ANXA8: variants seen among roughly 807,000 people sequenced by gnomAD.
The protein encoded by ANXA8 is annexin A8, also known as VAC-beta.
ANXA8 carries 9 observed loss-of-function variants against 26.8 expected under a neutral mutation model. That is an observed-to-expected ratio of 0.34 (90% CI 0.20 to 0.59). The LOEUF is 0.59. Ranked by LOEUF, ANXA8 falls within the 20% of genes least tolerant of loss-of-function variation. The probability of loss-of-function intolerance (pLI) is 0.84; values close to 1 mark genes in which losing one functional copy is unlikely to be tolerated. For synonymous variants in ANXA8, 39 were observed against 94.8 expected (o/e 0.41, Z 3.42); for missense variants, 83 against 238.5 (o/e 0.35, Z 4.29).
chr10:47,742,987 T>TA, the ANXA8 span, among the ~76,000 whole-genome samples: 1 of 117,970 alleles, frequency 8.5e-6, no homozygotes, highest in South Asian at 2.6e-4. Context: ...ACCCCGTCTC[T>TA]ACTAAAAAAA....
chr10:47,586,797 T>C, the ANXA8 span, among the ~76,000 whole-genome samples: 1 of 146,292 alleles, frequency 6.8e-6, no homozygotes, highest in Admixed American at 6.6e-5. Flanking sequence ...TATCTCCCAC[T>C]TCCATGACTA....
the ANXA8 span, among the ~76,000 whole-genome samples, chr10:47,671,484 G>T: frequency 2.6e-5 from 4 of 152,014 alleles, no homozygotes; most frequent in African/African-American, 9.7e-5. Flanking sequence ...TTAAGTGGGG[G>T]TTTGGAATCC....
At chr10:47,577,224 C>CAA in the ANXA8 span, among the ~76,000 whole-genome samples, 2 of 110,854 alleles carry the variant, frequency 1.8e-5, no homozygotes, top group East Asian at 2.9e-4. Flanking sequence ...GACTCCATCT[C>CAA]AAAAAAAAAA....
At chr10:47,675,308 A>G in the ANXA8 span, among the ~76,000 whole-genome samples, 3 of 149,142 alleles carry the variant, frequency 2.0e-5, no homozygotes, top group Non-Finnish European at 3.0e-5. Context: ...GCCCTTGCTT[A>G]TCTGAAAACT....
the ANXA8 span, among the ~76,000 whole-genome samples, chr10:47,686,412 A>T: frequency 2.0e-5 from 3 of 151,424 alleles, no homozygotes; most frequent in African/African-American, 7.3e-5. Flanking sequence ...GGATTTTACC[A>T]TGTTGCCTAG....
the ANXA8 span, among the ~76,000 whole-genome samples, chr10:47,639,315 T>TGA: frequency 1.4e-5 from 1 of 71,706 alleles, no homozygotes. Context: ...ATTATTATTA[T>TGA]TTTTTTTTTT....
chr10:47,954,485 T>C, the ANXA8 span, among the ~76,000 whole-genome samples: 1,136 of 151,000 alleles, frequency 7.5e-3, 14 homozygotes, highest in African/African-American at 0.026. Flanking sequence ...CAGTATTTGA[T>C]AGCACAACAG....
At chr10:47,985,701 C>A in the ANXA8 span, 1 of 128,106 alleles carries the variant, frequency 7.8e-6, no homozygotes, top group Non-Finnish European at 1.7e-5. Context: ...TAACCTCTAC[C>A]ATGCCACTCC....
chr10:47,653,110 G>A, the ANXA8 span, among the ~76,000 whole-genome samples: 20 of 150,756 alleles, frequency 1.3e-4, no homozygotes, highest in South Asian at 1.7e-3. Flanking sequence ...TTAGGAGTTC[G>A]AGACCAGCCT....
At chr10:47,563,601 CA>C in the ANXA8 span, 3 of 880,786 alleles carry the variant, frequency 3.4e-6, no homozygotes, top group Non-Finnish European at 5.9e-6. Context: ...AAAACACCAC[CA>C]GGTATCCGTT....
the ANXA8 span, among the ~76,000 whole-genome samples, chr10:47,711,524 T>C: frequency 6.9e-6 from 1 of 145,860 alleles, no homozygotes; most frequent in Non-Finnish European, 1.5e-5. Flanking sequence ...CTCTTAATCA[T>C]TAATAGCTAT....
At chr10:47,770,108 A>G in the ANXA8 span, among the ~76,000 whole-genome samples, 9 of 146,796 alleles carry the variant, frequency 6.1e-5, no homozygotes, top group Non-Finnish European at 1.5e-5. Context: ...GGAGGCACCA[A>G]GCCATTCATG....
chr10:47,744,422 T>TGGGGGGGGGGGGGGGAAGGGGGGGGG, the ANXA8 span, among the ~76,000 whole-genome samples: 1 of 11,728 alleles, frequency 8.5e-5, no homozygotes, highest in Non-Finnish European at 1.5e-4. Flanking sequence ...GGGGGGGGGG[T>TGGGGGGGGGGGGGGGAAGGGGGGGGG]TGGGGGGGAG....
chr10:47,597,629 C>T, the ANXA8 span, among the ~76,000 whole-genome samples: 1 of 129,910 alleles, frequency 7.7e-6, no homozygotes, highest in Non-Finnish European at 1.6e-5. Context: ...AACTGAGAAC[C>T]AAATCAAGAA....
At chr10:47,737,573 A>G in the ANXA8 span, among the ~76,000 whole-genome samples, 1 of 151,914 alleles carries the variant, frequency 6.6e-6, no homozygotes, top group Non-Finnish European at 1.5e-5. Flanking sequence ...ATAACTTTAC[A>G]TCTGATAGGA....
the ANXA8 span, among the ~76,000 whole-genome samples, chr10:47,533,224 C>CAAA: frequency 1.5e-5 from 2 of 133,176 alleles, no homozygotes; most frequent in Non-Finnish European, 3.2e-5. Flanking sequence ...CACACACACA[C>CAAA]CCCCGCAGAC....
the ANXA8 span, among the ~76,000 whole-genome samples, chr10:47,971,315 G>A: frequency 2.0e-5 from 3 of 151,276 alleles, no homozygotes; most frequent in Admixed American, 6.6e-5. Context: ...AGTGAAGGAA[G>A]GGGAGAGAGG....
chr10:47,683,442 A>G, the ANXA8 span, among the ~76,000 whole-genome samples: 14 of 151,964 alleles, frequency 9.2e-5, no homozygotes, highest in Admixed American at 2.6e-4. Context: ...TTTAGCCAGG[A>G]TGGCCTCGAT....
chr10:47,905,706 T>C, the ANXA8 span, among the ~76,000 whole-genome samples: 1 of 147,932 alleles, frequency 6.8e-6, no homozygotes, highest in Non-Finnish European at 1.5e-5. Context: ...CACCAGAATG[T>C]ACTCATTCTG....
Sources: allele counts gnomAD v4.1 joint callset (sites outside exome capture counted in the v4.1 genomes callset), GRCh38; gene constraint gnomAD v4.1.1; transcripts MANE v1.5; gene names NCBI Gene and HGNC (gene_info 2026-07-23, HGNC 2026-07-21).